The following FLI1 variants were observed in gnomAD, a reference collection of about 807,000 sequenced individuals.
The protein encoded by FLI1 is Fli-1 proto-oncogene, ETS transcription factor.
A neutral mutation model predicts 53.1 loss-of-function variants in FLI1; 13 were observed. The ratio of observed to expected loss-of-function variants is 0.24; its 90% CI spans 0.16 to 0.39. The LOEUF is 0.39. FLI1 is among the 10% of genes least tolerant of loss of function. FLI1 has a pLI of 1.00. For missense variants in FLI1, 424 were observed against 600.5 expected, an observed-to-expected ratio of 0.71 and a Z score of 3.07; for synonymous variants, 244 against 236.7, an observed-to-expected ratio of 1.03 and a Z score of -0.28.
At chr11:128,804,919 G>A (rs58348510) in intron 5 of FLI1, 3,470 of 153,598 alleles carry the variant, frequency 0.023, 132 homozygotes, top group African/African-American at 0.079. Context: ...TTTAAGAAAT[G>A]TCTAACCTTG....
intron 1 of FLI1, among the ~76,000 whole-genome samples, chr11:128,731,622 A>G (rs75311792): frequency 6.6e-6 from 1 of 152,380 alleles, no homozygotes; most frequent in East Asian, 1.9e-4. Flanking sequence ...CAAAACCCAA[A>G]GTTCATAGCC....
Position 128,811,264 on chromosome 11 carries a change from T to C in FLI1, c.*276T>C, listed in dbSNP as rs1942930042. ...CATCTTGTGAGTTGCATATTAAGAT[T>C]ACTGGAATGGTTAAGTCATGGTTCT... On this transcript the variant is annotated 3_prime_UTR_variant, in exon 9 of 9. Transcript: ENST00000527786. 2 of 493,730 alleles carry C rather than the reference T, an allele frequency of 4.1e-6. No individual in the cohort carries two copies. Among genetic ancestry groups the C allele is most frequent in the Non-Finnish European group, 7.2e-6 (2 of 277,840 alleles). 30.6% of individuals were successfully genotyped at this position (493,730 alleles called of 1,614,324 possible).
chr11:128,772,680 G>C (rs921490790), intron 3 of FLI1, 102 bp from the exon 4 acceptor site: 1 of 886,562 alleles, frequency 1.1e-6, no homozygotes, highest in African/African-American at 1.7e-5. Flanking sequence ...GAGAGAAAGA[G>C]AAGGGAAAGA....
intron 1 of FLI1, among the ~76,000 whole-genome samples, chr11:128,733,380 G>A (rs1466646960): frequency 6.6e-6 from 1 of 152,128 alleles, no homozygotes; most frequent in Non-Finnish European, 1.5e-5. Flanking sequence ...TCCACACTAG[G>A]AGAAAAACTA....
intron 1 of FLI1, among the ~76,000 whole-genome samples, chr11:128,717,256 G>A (rs1464737224): frequency 6.6e-6 from 1 of 152,208 alleles, no homozygotes; most frequent in Non-Finnish European, 1.5e-5. Context: ...CACCTGTGAT[G>A]GGGCTAAGGA....
intron 1 of FLI1, among the ~76,000 whole-genome samples, chr11:128,702,325 G>A (rs1157537350): frequency 6.6e-6 from 1 of 152,112 alleles, no homozygotes; most frequent in East Asian, 1.9e-4. Context: ...CTGATTTTTA[G>A]CTCTGAGTAT....
At position 128,728,220 on chromosome 11, in the gene FLI1, G is replaced by A. The variant is rs545192799; in HGVS notation, c.19-29895G>A. Among the ~76,000 whole-genome samples, 17 of 152,354 alleles carry A rather than the reference G, an allele frequency of 1.1e-4. No homozygotes were observed. In the East Asian group the frequency reaches 1.3e-3, roughly 12 times the overall value. On this transcript the variant is annotated intron_variant, in intron 1 of 8. Transcript: ENST00000527786. ...ACGCAGGTGGAGCGGCCAGGACATG[G>A]GCATGCCTTGGCCTAGGCAGTGCAC...
chr11:128,798,620 G>A (rs1942516167), intron 5 of FLI1, among the ~76,000 whole-genome samples: 1 of 152,174 alleles, frequency 6.6e-6, no homozygotes, highest in Non-Finnish European at 1.5e-5. Flanking sequence ...AGATCCTTGA[G>A]CAAAGGAAAC....
chr11:128,694,304 G>A (rs1206810957), intron 1 of FLI1, 28 bp downstream of exon 1: 2 of 1,337,322 alleles, frequency 1.5e-6, no homozygotes, highest in Non-Finnish European at 1.9e-6. Context: ...GGACGCGGGC[G>A]GCGGGGACCG....
chr11:128,774,360 C>G (rs1052396631), intron 4 of FLI1, among the ~76,000 whole-genome samples: 2 of 152,116 alleles, frequency 1.3e-5, no homozygotes, highest in African/African-American at 4.8e-5. Context: ...GAGGTCAGCC[C>G]AAGAAACAAT....
At chr11:128,697,144 A>G (rs1938115412) in intron 1 of FLI1, among the ~76,000 whole-genome samples, 1 of 152,214 alleles carries the variant, frequency 6.6e-6, no homozygotes, top group Admixed American at 6.5e-5. Flanking sequence ...CACTGATATT[A>G]TCAGTGTTAA....
chr11:128,701,065 G>T (rs1393316753), intron 1 of FLI1, among the ~76,000 whole-genome samples: 1 of 152,190 alleles, frequency 6.6e-6, no homozygotes, highest in Non-Finnish European at 1.5e-5. Flanking sequence ...CAGCAGTCAG[G>T]ATTAGACAAC....
intron 5 of FLI1, among the ~76,000 whole-genome samples, chr11:128,800,353 A>G (rs147487089): frequency 2.6e-4 from 39 of 152,310 alleles, no homozygotes; most frequent in African/African-American, 9.4e-4. Context: ...GCAAGGTTTT[A>G]TGACACAGAG....
At chr11:128,694,518 C>A (rs67072818) in intron 1 of FLI1, among the ~76,000 whole-genome samples, 2 of 44 alleles carry the variant, frequency 0.045, no homozygotes, top group East Asian at 0.25. Flanking sequence ...GGAGCCCCGG[C>A]CCCCCTCCCA....
At chr11:128,802,545 C>T (rs1431375564) in intron 5 of FLI1, among the ~76,000 whole-genome samples, 1 of 152,244 alleles carries the variant, frequency 6.6e-6, no homozygotes, top group Non-Finnish European at 1.5e-5. Context: ...ACAGTGAGAG[C>T]ACAGTTCAGG....
In FLI1 at chr11:128,811,548, A is replaced by AAGACGCCAAGGGCATTGC. The variant is rs1565513917; in HGVS notation, c.*564_*581dup. The AAGACGCCAAGGGCATTGC allele has an allele frequency of 4.4e-6, 1 of 229,460 alleles. No homozygotes were observed. Among genetic ancestry groups the AAGACGCCAAGGGCATTGC allele is most frequent in the East Asian group, 6.6e-5 (1 of 15,144 alleles). The allele number at this position is 229,460 out of a possible 1,614,324, so 14.2% of individuals were successfully genotyped here. On this transcript the variant is annotated 3_prime_UTR_variant, in exon 9 of 9. Transcript: ENST00000527786. ...TGATGGAAAGAAGGTTTGTGTGTTT[A>AAGACGCCAAGGGCATTGC]AGACGCCAAGGGCATTGCAGAATCC... is the stretch of plus-strand genomic sequence containing the variant.
At position 128,812,655 on chromosome 11, in the gene FLI1, C is replaced by G. The variant is rs1055098601; in HGVS notation, c.*1667C>G. On this transcript the variant is annotated 3_prime_UTR_variant, in exon 9 of 9. Transcript: ENST00000527786. ...GGGTTTTATAAAACAGCAGCTAAGG[C>G]CATGGATAAACCTGTATGTAAGGAC... 1.8e-5 allele frequency: 4 copies of G among 222,628 alleles called. No individual in the cohort carries two copies. Among genetic ancestry groups the G allele is most frequent in the African/African-American group, 6.7e-5 (3 of 44,914 alleles). 13.8% of individuals were successfully genotyped at this position (222,628 alleles called of 1,614,324 possible).
chr11:128,711,505 T>C (rs950592354), intron 1 of FLI1, among the ~76,000 whole-genome samples: 4 of 152,276 alleles, frequency 2.6e-5, no homozygotes, highest in Non-Finnish European at 5.9e-5. Flanking sequence ...AATACTTTAT[T>C]TCCCTTTTAT....
chr11:128,780,741 T>C (rs1263832296), intron 4 of FLI1, among the ~76,000 whole-genome samples: 3 of 152,146 alleles, frequency 2.0e-5, no homozygotes, highest in South Asian at 2.1e-4. Flanking sequence ...AGACTAAAAA[T>C]AGGGGTGTGT....
Sources: gnomAD v4.1 joint callset for allele counts (sites outside exome capture counted in the v4.1 genomes callset) on GRCh38, gnomAD v4.1.1 for gene constraint, MANE v1.5 for transcripts, NCBI Gene and HGNC (gene_info 2026-07-23, HGNC 2026-07-21) for gene names.